DYM: variants seen among roughly 807,000 people sequenced by gnomAD.
DYM encodes dymeclin.
DYM carries 78 observed loss-of-function variants against 93.1 expected under a neutral mutation model. The ratio of observed to expected loss-of-function variants is 0.84; its 90% CI spans 0.70 to 1.01. The LOEUF is 1.01. Among genes scored for constraint, DYM ranks in the 50% least tolerant of loss-of-function variants. The probability of loss-of-function intolerance (pLI) is 0.00; values close to 1 mark genes in which losing one functional copy is unlikely to be tolerated. For synonymous variants in DYM, 321 were observed against 319.7 expected (o/e 1.00, Z -0.04); for missense variants, 789 against 845.0 (o/e 0.93, Z 0.82).
chr18:49,432,865 G>A (rs1011632329), intron 1 of DYM, among the ~76,000 whole-genome samples: 2 of 152,070 alleles, frequency 1.3e-5, no homozygotes, highest in African/African-American at 4.8e-5. Flanking sequence ...CAACCACAGT[G>A]CTGACATTAC....
chr18:49,260,512 T>C (rs1216678751), intron 11 of DYM, among the ~76,000 whole-genome samples: 1 of 152,102 alleles, frequency 6.6e-6, no homozygotes, highest in Non-Finnish European at 1.5e-5. Context: ...GAACAATTAG[T>C]AATATGAGAA....
At chr18:49,314,432 C>T (rs910268953) in intron 8 of DYM, among the ~76,000 whole-genome samples, 5 of 152,186 alleles carry the variant, frequency 3.3e-5, no homozygotes, top group African/African-American at 1.2e-4. Context: ...AGGAATGTTT[C>T]TATATGGGCT....
At chr18:49,360,984 A>T (rs995770248) in intron 6 of DYM, among the ~76,000 whole-genome samples, 18 of 152,222 alleles carry the variant, frequency 1.2e-4, no homozygotes, top group African/African-American at 4.3e-4. Context: ...AATGAGCAAA[A>T]GGCTAGAGTG....
At chr18:49,275,905 T>A (rs1467332740) in intron 10 of DYM, among the ~76,000 whole-genome samples, 6 of 152,206 alleles carry the variant, frequency 3.9e-5, no homozygotes, top group Admixed American at 2.0e-4. Flanking sequence ...CATATTGACT[T>A]TTTATACTGA....
intron 17 of DYM, among the ~76,000 whole-genome samples, chr18:49,085,678 G>A (rs189356982): frequency 2.9e-5 from 4 of 140,124 alleles, no homozygotes; most frequent in Non-Finnish European, 4.6e-5. Flanking sequence ...TGTGATCTCA[G>A]CTCACTGCAA....
At chr18:49,294,561 A>T (rs2060399601) in intron 8 of DYM, among the ~76,000 whole-genome samples, 1 of 152,178 alleles carries the variant, frequency 6.6e-6, no homozygotes, top group Non-Finnish European at 1.5e-5. Context: ...TTAACATTCA[A>T]AATGTGAAGA....
intron 13 of DYM, among the ~76,000 whole-genome samples, chr18:49,210,803 A>G (rs1236795751): frequency 1.3e-5 from 2 of 152,166 alleles, no homozygotes; most frequent in Non-Finnish European, 2.9e-5. Flanking sequence ...TGGCAACTCT[A>G]TACTTTCTGA....
chr18:49,358,587 A>G (rs1407235164), intron 6 of DYM, among the ~76,000 whole-genome samples: 1 of 152,248 alleles, frequency 6.6e-6, no homozygotes, highest in Non-Finnish European at 1.5e-5. Context: ...AGATTAAATT[A>G]TAATTGACAA....
intron 2 of DYM, among the ~76,000 whole-genome samples, chr18:49,413,384 T>C (rs1182692552): frequency 1.3e-5 from 2 of 152,212 alleles, no homozygotes; most frequent in Non-Finnish European, 2.9e-5. Context: ...TGACAAACAG[T>C]GAGCTCAATA....
intron 13 of DYM, among the ~76,000 whole-genome samples, chr18:49,216,571 T>C (rs1008004237): frequency 6.6e-6 from 1 of 152,034 alleles, no homozygotes; most frequent in Non-Finnish European, 1.5e-5. Context: ...AGAGGAACGA[T>C]CAGACAGCAG....
At chr18:49,403,202 G>T (rs1168493032) in intron 2 of DYM, among the ~76,000 whole-genome samples, 2 of 152,180 alleles carry the variant, frequency 1.3e-5, no homozygotes, top group South Asian at 4.1e-4. Flanking sequence ...CAGGAGGGGA[G>T]TATAAAACAT....
At chr18:49,390,443 AT>A (rs58735684) in intron 3 of DYM, among the ~76,000 whole-genome samples, 3 of 152,188 alleles carry the variant, frequency 2.0e-5, no homozygotes, top group Non-Finnish European at 2.9e-5. Flanking sequence ...AAAAAAAAAA[AT>A]AAATCATCAA....
chr18:49,455,900 G>C lies in DYM; in HGVS notation c.-54+4498C>G, dbSNP rs367975397. Among the ~76,000 whole-genome samples, 66 of 150,890 alleles carry C rather than the reference G, an allele frequency of 4.4e-4. 1 individual carries two copies. In the South Asian group the frequency reaches 0.013, roughly 31 times the overall value. ...GGAGGCAGAGGTTGCAGTGAGCCGA[G>C]ATCCCACCACTGCACTCCAGCCTGA... On this transcript the variant is annotated intron_variant, in intron 1 of 17. Transcript: ENST00000675505.
intron 17 of DYM, among the ~76,000 whole-genome samples, chr18:49,088,419 G>A (rs1022911560): frequency 6.6e-6 from 1 of 152,034 alleles, no homozygotes; most frequent in African/African-American, 2.4e-5. Context: ...TGTGGGGTAG[G>A]GGGAGGGGGA....
At chr18:49,249,863 A>G (rs1190006639) in intron 13 of DYM, among the ~76,000 whole-genome samples, 4 of 152,356 alleles carry the variant, frequency 2.6e-5, no homozygotes, top group Admixed American at 2.6e-4. Flanking sequence ...GAGAATTTTA[A>G]AGTTCTTAAA....
chr18:49,421,780 C>G (rs1237607128), intron 2 of DYM, among the ~76,000 whole-genome samples: 1 of 152,164 alleles, frequency 6.6e-6, no homozygotes, highest in Non-Finnish European at 1.5e-5. Flanking sequence ...GAATGGCTAA[C>G]TAGAATAAAC....
intron 2 of DYM, among the ~76,000 whole-genome samples, chr18:49,393,091 GGGAAGGAAGGAA>G (rs748930950): frequency 0.099 from 3,651 of 36,756 alleles, 338 homozygotes; most frequent in Middle Eastern, 0.14. Context: ...AAGGGAGGGA[GGGAAGGAAGGAA>G]GGAAGGAAGG....
intron 1 of DYM, among the ~76,000 whole-genome samples, chr18:49,435,074 G>A (rs1049352258): frequency 1.3e-5 from 2 of 149,478 alleles, no homozygotes; most frequent in African/African-American, 4.9e-5. Context: ...ACAGCATGGT[G>A]GTGTGCGCCT....
intron 1 of DYM, among the ~76,000 whole-genome samples, chr18:49,435,026 G>A (rs2080699547): frequency 6.6e-6 from 1 of 151,536 alleles, no homozygotes; most frequent in Non-Finnish European, 1.5e-5. Flanking sequence ...TGGCCAACGT[G>A]GTAAAACCTC....
Sources: gnomAD v4.1 joint callset for allele counts (sites outside exome capture counted in the v4.1 genomes callset) on GRCh38, gnomAD v4.1.1 for gene constraint, MANE v1.5 for transcripts, NCBI Gene and HGNC (gene_info 2026-07-23, HGNC 2026-07-21) for gene names.